MAP3K5: variants seen among roughly 807,000 people sequenced by gnomAD.
MAP3K5 encodes the protein ASK-1.
Under a neutral mutation model 158.7 loss-of-function variants are expected in MAP3K5, and 56 were observed. That is an observed-to-expected ratio of 0.35 (90% CI 0.28 to 0.44). The LOEUF is 0.44. Ranked by LOEUF, MAP3K5 falls within the 20% of genes least tolerant of loss-of-function variation. The pLI is 1.00. For synonymous variants in MAP3K5, 579 were observed against 601.7 expected (o/e 0.96, Z 0.55); for missense variants, 1,294 against 1,674.8 (o/e 0.77, Z 3.97).
intron 10 of MAP3K5, among the ~76,000 whole-genome samples, chr6:136,653,112 T>C (rs955223425): frequency 3.9e-5 from 6 of 152,224 alleles, no homozygotes; most frequent in Admixed American, 1.3e-4. Context: ...TACAGGGTCT[T>C]TGAAGTACCA....
Position 136,792,071 on chromosome 6 carries a change from G to A in MAP3K5, c.87C>T (p.Ile29=), listed in dbSNP as rs764156784. Residue 29 remains isoleucine (I), a synonymous_variant, in exon 1 of 30, where the codon ATC becomes ATT. Transcript: ENST00000359015. The surrounding 1 kb of genome is among the most constrained non-coding windows in gnomAD (Gnocchi z 5.7). ...SGFCTIPEGG[I]CRRGGAAAVG... ...CCGCCGCCGCTCCTCCCCTCCTGCA[G>A]ATGCCGCCCTCGGGGATGGTGCAGA... is the stretch of plus-strand genomic sequence containing the variant. 6 of 1,570,638 alleles carry A rather than the reference G, an allele frequency of 3.8e-6. No homozygotes were observed. Among genetic ancestry groups the A allele is most frequent in the Non-Finnish European group, 5.2e-6 (6 of 1,163,762 alleles).
chr6:136,746,668 G>A (rs1186839912), intron 1 of MAP3K5, among the ~76,000 whole-genome samples: 1 of 152,080 alleles, frequency 6.6e-6, no homozygotes, highest in Non-Finnish European at 1.5e-5. Flanking sequence ...AAAACAATTT[G>A]AGTATGCATA....
At chr6:136,629,826 C>T (rs1014759100) in intron 14 of MAP3K5, among the ~76,000 whole-genome samples, 19 of 151,674 alleles carry the variant, frequency 1.3e-4, no homozygotes, top group Admixed American at 2.0e-4. Context: ...CTCACTCTGT[C>T]GCCCAGGCTG....
intron 1 of MAP3K5, among the ~76,000 whole-genome samples, chr6:136,787,409 C>G (rs1268819493): frequency 6.6e-6 from 1 of 152,202 alleles, no homozygotes; most frequent in African/African-American, 2.4e-5. Flanking sequence ...CATTTAATCT[C>G]TACGAGCTGA....
At chr6:136,600,183 G>A (rs1475153361) in intron 21 of MAP3K5, among the ~76,000 whole-genome samples, 1 of 145,418 alleles carries the variant, frequency 6.9e-6, no homozygotes, top group Non-Finnish European at 1.5e-5. Context: ...ACACCATGCT[G>A]TTAATTTTTT....
chr6:136,676,824 C>T (rs1779724004), intron 7 of MAP3K5, among the ~76,000 whole-genome samples: 1 of 145,114 alleles, frequency 6.9e-6, no homozygotes, highest in East Asian at 2.0e-4. Flanking sequence ...CAGAGTCTCA[C>T]TCTGTCATCC....
chr6:136,650,900 G>A (rs1778490513), intron 11 of MAP3K5, 84 bp downstream of exon 11: 2 of 737,356 alleles, frequency 2.7e-6, no homozygotes, highest in Non-Finnish European at 4.5e-6. Context: ...AACTAACACA[G>A]ACATTTGCTG....
Position 136,637,362 on chromosome 6 carries a change from C to T in MAP3K5, c.1979G>A (p.Ser660Asn), listed in dbSNP as rs576696723. The T allele has an allele frequency of 3.4e-5, 55 of 1,612,312 alleles. No individual in the cohort carries two copies. Among genetic ancestry groups the T allele is most frequent in the Non-Finnish European group, 4.7e-5 (55 of 1,178,452 alleles). Residue 660 changes from serine to asparagine, a missense_variant, in exon 14 of 30, where the codon AGC (serine) becomes AAC (asparagine). Physicochemically the swap from Ser to Asn is conservative, Grantham distance 46. Transcript: ENST00000359015. ...ACTTTCACAGTCTCCTTCCTCTGTGCTTCTCCCCTTCTCTTCGGTAATGGT... is the reference window on the plus strand; with the variant it reads ...ACTTTCACAGTCTCCTTCCTCTGTGTTTCTCCCCTTCTCTTCGGTAATGGT... Reference protein sequence around the residue: ...VNTITEEKGRSTEEGDCESDL... With the variant: ...VNTITEEKGRNTEEGDCESDL...
intron 1 of MAP3K5, among the ~76,000 whole-genome samples, chr6:136,758,947 C>A (rs1310075630): frequency 1.3e-5 from 2 of 152,168 alleles, no homozygotes; most frequent in Admixed American, 6.5e-5. Context: ...CCGAGGCAGG[C>A]AGATCACTTG....
chr6:136,752,251 A>G (rs1172429709), intron 1 of MAP3K5, among the ~76,000 whole-genome samples: 1 of 152,090 alleles, frequency 6.6e-6, no homozygotes, highest in Non-Finnish European at 1.5e-5. Context: ...GGGGGAGGAG[A>G]CTTTTAAGCA....
Position 136,567,653 on chromosome 6 carries a change from T to C in MAP3K5, c.3739A>G (p.Arg1247Gly), listed in dbSNP as rs1436763359. The C allele has an allele frequency of 1.2e-6, 2 of 1,614,058 alleles. No individual in the cohort carries two copies. The highest frequency in any genetic ancestry group is 1.7e-6 in the Non-Finnish European group (2 of 1,180,010). Residue 1247 changes from arginine (R) to glycine (G), a missense_variant, in exon 26 of 30, where the codon AGG becomes GGG. Transcript: ENST00000359015. ...AHRSLNVQLG[R>G]MKIETNRLLE... ...TACCTATTGGTTTCTATTTTCATCCTTCCAAGCTGTACATTCAGTGACCGG... is the reference window on the plus strand; with the variant it reads ...TACCTATTGGTTTCTATTTTCATCCCTCCAAGCTGTACATTCAGTGACCGG...
chr6:136,662,492 G>A (rs1779046620), intron 8 of MAP3K5, among the ~76,000 whole-genome samples: 1 of 151,834 alleles, frequency 6.6e-6, no homozygotes, highest in East Asian at 1.9e-4. Context: ...TTAGAAGTCC[G>A]TTCTCTCTGT....
chr6:136,781,613 A>T (rs574748117), intron 1 of MAP3K5, among the ~76,000 whole-genome samples: 184 of 152,320 alleles, frequency 1.2e-3, no homozygotes, highest in African/African-American at 4.1e-3. Context: ...TCCAACTATA[A>T]GATATAGTTA....
intron 23 of MAP3K5, among the ~76,000 whole-genome samples, chr6:136,584,178 A>G (rs2129076832): frequency 1.3e-5 from 2 of 152,332 alleles, no homozygotes; most frequent in South Asian, 4.1e-4. Context: ...AGAAATTTTA[A>G]TTGGGAACTA....
chr6:136,778,345 A>G (rs1342027509), intron 1 of MAP3K5, among the ~76,000 whole-genome samples: 1 of 152,140 alleles, frequency 6.6e-6, no homozygotes, highest in East Asian at 1.9e-4. Context: ...GCAGTAATAA[A>G]CCCTGTTCTC....
At chr6:136,651,885 T>C (rs1276260153) in intron 10 of MAP3K5, among the ~76,000 whole-genome samples, 1 of 152,168 alleles carries the variant, frequency 6.6e-6, no homozygotes, top group Non-Finnish European at 1.5e-5. Flanking sequence ...TCAAAGGTGC[T>C]ATGATTCATT....
intron 19 of MAP3K5, among the ~76,000 whole-genome samples, chr6:136,603,508 G>C (rs962452110): frequency 3.3e-5 from 5 of 151,924 alleles, no homozygotes; most frequent in Admixed American, 6.6e-5. Context: ...TTATTTTATA[G>C]ATGAGGAAAC....
intron 1 of MAP3K5, among the ~76,000 whole-genome samples, chr6:136,776,762 A>C (rs1241287399): frequency 3.9e-5 from 6 of 152,194 alleles, no homozygotes; most frequent in Admixed American, 6.5e-5. Context: ...GACTAACACA[A>C]TGGTCCTGTA....
chr6:136,707,269 C>T (rs1473037020), intron 2 of MAP3K5, among the ~76,000 whole-genome samples: 5 of 152,178 alleles, frequency 3.3e-5, no homozygotes, highest in Non-Finnish European at 7.3e-5. Context: ...TGTATACGCA[C>T]AATTGCTAAA....
Sources: gnomAD v4.1 joint callset for allele counts (sites outside exome capture counted in the v4.1 genomes callset) on GRCh38, gnomAD v4.1.1 for gene constraint, Gnocchi (gnomAD v3.1) non-coding constraint, MANE v1.5 for transcripts, NCBI Gene and HGNC (gene_info 2026-07-23, HGNC 2026-07-21) for gene names.